Variants in RIN3 observed in about 807,000 individuals in gnomAD.
RIN3 encodes the protein RAB5 interacting protein 3.
RIN3 carries 54 observed loss-of-function variants against 76.3 expected under a neutral mutation model. The observed-to-expected ratio is 0.71, with a 90% confidence interval of 0.57 to 0.89. The LOEUF (loss-of-function observed/expected upper bound fraction) is 0.89. Ranked by LOEUF, RIN3 falls within the 40% of genes least tolerant of loss-of-function variation. The pLI is 0.00. For missense variants in RIN3, 1,256 were observed against 1,322.1 expected, an observed-to-expected ratio of 0.95 and a Z score of 0.78; for synonymous variants, 576 against 564.0, an observed-to-expected ratio of 1.02 and a Z score of -0.30.
Position 92,513,785 on chromosome 14 carries a change from G to A in RIN3, c.-148G>A. The A allele has an allele frequency of 4.8e-6, 2 of 419,256 alleles. No individual in the cohort carries two copies. Among genetic ancestry groups the A allele is most frequent in the East Asian group, 3.8e-5 (1 of 26,346 alleles). 26.0% of individuals were successfully genotyped at this position (419,256 alleles called of 1,614,324 possible). On this transcript the variant is annotated 5_prime_UTR_variant, in exon 1 of 10. Transcript: ENST00000216487. Reference sequence around the variant, plus strand: ...GCTCGCTCCGATACAGGAAGTAGAAGGGAGCGAGAGCCCCAGAGCGCGGCG... The same window carrying A: ...GCTCGCTCCGATACAGGAAGTAGAAAGGAGCGAGAGCCCCAGAGCGCGGCG...
In RIN3 at chr14:92,521,453, G is replaced by A. The variant is rs1378949918; in HGVS notation, c.44+7477G>A. Among the ~76,000 whole-genome samples the A allele has an allele frequency of 3.3e-5, 5 of 152,166 alleles. No homozygotes were observed. The East Asian group carries it at 9.6e-4, about 29-fold the overall frequency. ...GTAGGGCCTGGTGGGAGGTGTTAGGGTCATGGGGGCAGATCCATCATGAAT... is the reference window on the plus strand; with the variant it reads ...GTAGGGCCTGGTGGGAGGTGTTAGGATCATGGGGGCAGATCCATCATGAAT... On this transcript the variant is annotated intron_variant, in intron 1 of 9. Transcript: ENST00000216487.
intron 3 of RIN3, among the ~76,000 whole-genome samples, chr14:92,584,845 A>C (rs555589239): frequency 1.6e-4 from 24 of 152,172 alleles, no homozygotes; most frequent in African/African-American, 5.5e-4. Context: ...GGCTGCTCTA[A>C]AAAGAAGGCC....
chr14:92,564,362 G>A lies in RIN3; in HGVS notation c.249+8407G>A, dbSNP rs145508632. Among the ~76,000 whole-genome samples, 665 of 152,306 alleles carry A rather than the reference G, an allele frequency of 4.4e-3. 2 individuals are homozygous for A. The highest frequency in any genetic ancestry group is 0.015 in the African/African-American group (638 of 41,560). On this transcript the variant is annotated intron_variant, in intron 2 of 9. Coordinates refer to ENST00000216487, the MANE Select transcript of RIN3 (RefSeq NM_024832.5). ...CTGAAGATAGACAGGAAGAGGGTCT[G>A]CAGACTGGCGGTACCATTTCCTGGA... is the stretch of plus-strand genomic sequence containing the variant.
rs1383644185 is a variant in RIN3 at position 92,652,765 on chromosome 14, C to A, written c.1716C>A (p.Ser572=). 2 of 1,614,000 alleles carry A rather than the reference C, an allele frequency of 1.2e-6. No individual in the cohort carries two copies. The highest frequency in any genetic ancestry group is 4.5e-5 in the East Asian group (2 of 44,872). ...GCCCCAGCGTGAAGAAGAAGCCCTCCATGATCCTGGGCAAGGCTCGGCACC... is the reference window on the plus strand; with the variant it reads ...GCCCCAGCGTGAAGAAGAAGCCCTCAATGATCCTGGGCAAGGCTCGGCACC... ...FSSPSVKKKP[S]MILGKARHRL... The change falls in exon 6 of 10, where the codon TCC becomes TCA. Residue 572 remains serine, a synonymous_variant. Coordinates refer to ENST00000216487, the MANE Select transcript of RIN3 (RefSeq NM_024832.5). This position sits in a 1 kb window ranked among gnomAD's most constrained non-coding sequence, Gnocchi z 6.4.
At position 92,648,090 on chromosome 14, in the gene RIN3, CT is replaced by C. The variant is rs35034984; in HGVS notation, c.533-3476del. Among the ~76,000 whole-genome samples the C allele has an allele frequency of 1.3e-3, 184 of 138,782 alleles. No homozygotes were observed. Among genetic ancestry groups the C allele is most frequent in the African/African-American group, 1.7e-3 (64 of 36,948 alleles). 91.0% of individuals were successfully genotyped at this position (138,782 alleles called of 152,430 possible). A position where few individuals can be genotyped will look rare whatever the true frequency, so the allele number is the denominator to read the frequency against. On this transcript the variant is annotated intron_variant, in intron 5 of 9. Coordinates refer to ENST00000216487, the MANE Select transcript of RIN3 (RefSeq NM_024832.5). The surrounding 1 kb of genome is among the most constrained non-coding windows in gnomAD (Gnocchi z 4.1). Reference sequence around the variant, plus strand: ...GCTGCAGAGAAAGTTACTCATTTCCCTTTTTTTTTTTTTTTTGGAGCATAAA... The same window carrying C: ...GCTGCAGAGAAAGTTACTCATTTCCCTTTTTTTTTTTTTTTGGAGCATAAA...
At chr14:92,515,222 AC>A in intron 1 of RIN3, 2 of 699,544 alleles carry the variant, frequency 2.9e-6, no homozygotes, top group Non-Finnish European at 5.2e-6. Flanking sequence ...AAAGACAAAT[AC>A]CATCCGGTGG....
intron 5 of RIN3, among the ~76,000 whole-genome samples, chr14:92,649,124 G>A (rs748723608): frequency 1.7e-4 from 26 of 152,280 alleles, no homozygotes; most frequent in African/African-American, 3.1e-4. Context: ...AGGGCCTGCC[G>A]TATGCCCAGC....
intron 3 of RIN3, among the ~76,000 whole-genome samples, chr14:92,598,530 T>C (rs1317496129): frequency 6.6e-6 from 1 of 152,250 alleles, no homozygotes; most frequent in East Asian, 1.9e-4. Context: ...GGAACCATGC[T>C]CACCCTCCTT....
intron 4 of RIN3, 77 bp from the exon 5 acceptor site, chr14:92,641,161 C>T (rs1249357531): frequency 8.7e-7 from 1 of 1,149,618 alleles, no homozygotes; most frequent in Non-Finnish European, 1.3e-6. Flanking sequence ...CAGAGATTGC[C>T]AGGGCTCTTC....
chr14:92,521,296 T>C (rs776238160), intron 1 of RIN3, among the ~76,000 whole-genome samples: 7 of 152,168 alleles, frequency 4.6e-5, no homozygotes, highest in African/African-American at 7.2e-5. Flanking sequence ...CATCCTTCCA[T>C]CTATCAATCC....
intron 1 of RIN3, among the ~76,000 whole-genome samples, chr14:92,545,300 C>T (rs1055453162): frequency 1.1e-4 from 16 of 151,612 alleles, no homozygotes; most frequent in African/African-American, 3.4e-4. Flanking sequence ...TTAATAGAGA[C>T]GGGGTTTCAC....
intron 4 of RIN3, among the ~76,000 whole-genome samples, chr14:92,633,074 C>G (rs1041926343): frequency 1.3e-5 from 2 of 152,176 alleles, no homozygotes; most frequent in Admixed American, 6.5e-5. Flanking sequence ...TGCAGCCATC[C>G]TGGCCCTATG....
intron 8 of RIN3, among the ~76,000 whole-genome samples, chr14:92,679,375 AG>A (rs1284296208): frequency 6.6e-6 from 1 of 152,202 alleles, no homozygotes; most frequent in African/African-American, 2.4e-5. Flanking sequence ...CACACCAGCA[AG>A]GGGGGTGGGT....
At chr14:92,571,884 C>T (rs1384866852) in intron 2 of RIN3, among the ~76,000 whole-genome samples, 1 of 152,204 alleles carries the variant, frequency 6.6e-6, no homozygotes, top group Non-Finnish European at 1.5e-5. Flanking sequence ...ATCACCTCTC[C>T]TCCTATTCGC....
rs73326354 is a variant in RIN3 at position 92,524,702 on chromosome 14, C to T, written c.44+10726C>T. Among the ~76,000 whole-genome samples, 302 of 152,276 alleles carry T rather than the reference C, an allele frequency of 2.0e-3. 1 individual carries two copies. Among genetic ancestry groups the T allele is most frequent in the African/African-American group, 6.7e-3 (280 of 41,532 alleles). On this transcript the variant is annotated intron_variant, in intron 1 of 9. Coordinates refer to ENST00000216487, the MANE Select transcript of RIN3 (RefSeq NM_024832.5). ...CTGCAGTCCTCAGGCGTCAGAGCTT[C>T]GTGCCACTCTGGAAACTCTTCATCC...
intron 4 of RIN3, chr14:92,615,812 T>C (rs1885936426): frequency 3.6e-6 from 1 of 278,418 alleles, no homozygotes; most frequent in Non-Finnish European, 6.8e-6. Context: ...AAACTTCCTG[T>C]AGGGGCAGCA....
chr14:92,580,808 C>T (rs1347552241), intron 3 of RIN3, among the ~76,000 whole-genome samples: 1 of 152,220 alleles, frequency 6.6e-6, no homozygotes, highest in African/African-American at 2.4e-5. Flanking sequence ...GTGGGTGTGT[C>T]ACCTGTGCCG....
At chr14:92,581,185 CCTT>C (rs995408646) in intron 3 of RIN3, among the ~76,000 whole-genome samples, 4 of 152,256 alleles carry the variant, frequency 2.6e-5, no homozygotes, top group South Asian at 2.1e-4. Context: ...CAGGGCCAGG[CCTT>C]CTTAGCGGGT....
At chr14:92,635,281 CT>C (rs1048133108) in intron 4 of RIN3, among the ~76,000 whole-genome samples, 31 of 152,316 alleles carry the variant, frequency 2.0e-4, no homozygotes, top group Admixed American at 1.9e-3. Flanking sequence ...CAGGCTCCAC[CT>C]TTGTCACAGA....
Sources: gnomAD v4.1 joint callset for allele counts (sites outside exome capture counted in the v4.1 genomes callset) on GRCh38, gnomAD v4.1.1 for gene constraint, Gnocchi (gnomAD v3.1) non-coding constraint, MANE v1.5 for transcripts, NCBI Gene and HGNC (gene_info 2026-07-23, HGNC 2026-07-21) for gene names.